The following QTMAN variants were observed in gnomAD, a reference collection of about 807,000 sequenced individuals.
QTMAN encodes the protein queuosine-tRNA mannosyltransferase.
chr2:144,165,171 A>C, the QTMAN span, among the ~76,000 whole-genome samples: 1 of 152,004 alleles, frequency 6.6e-6, no homozygotes, highest in Non-Finnish European at 1.5e-5. Flanking sequence ...GGAGATTGAG[A>C]CCATACTGGC....
chr2:144,228,259 T>C, the QTMAN span, among the ~76,000 whole-genome samples: 1 of 152,200 alleles, frequency 6.6e-6, no homozygotes, highest in Non-Finnish European at 1.5e-5. Flanking sequence ...ACAGAGATAC[T>C]TGAGTTAGAC....
At chr2:144,144,697 C>A in the QTMAN span, among the ~76,000 whole-genome samples, 1 of 151,888 alleles carries the variant, frequency 6.6e-6, no homozygotes, top group South Asian at 2.1e-4. Context: ...AAAACATTCA[C>A]AAAATGCACA....
the QTMAN span, among the ~76,000 whole-genome samples, chr2:143,971,434 C>T: frequency 6.6e-6 from 1 of 152,052 alleles, no homozygotes; most frequent in East Asian, 1.9e-4. Flanking sequence ...ATAATTCTTT[C>T]ATTTAGTAGA....
chr2:144,264,295 G>A, the QTMAN span, among the ~76,000 whole-genome samples: 1 of 152,134 alleles, frequency 6.6e-6, no homozygotes, highest in Non-Finnish European at 1.5e-5. Context: ...TAATTAGAGA[G>A]GTGAGGAGGA....
chr2:144,208,848 T>G, the QTMAN span: 1 of 1,118,794 alleles, frequency 8.9e-7, no homozygotes, highest in Admixed American at 2.5e-5. Flanking sequence ...ATTACATACA[T>G]GTATAAAATT....
the QTMAN span, chr2:144,142,127 C>T: frequency 2.9e-6 from 3 of 1,026,652 alleles, no homozygotes; most frequent in Non-Finnish European, 4.4e-6. Context: ...AACCTAAGAC[C>T]TCTATGGATT....
At chr2:144,105,167 G>A in the QTMAN span, among the ~76,000 whole-genome samples, 1 of 152,158 alleles carries the variant, frequency 6.6e-6, no homozygotes, top group Non-Finnish European at 1.5e-5. Context: ...AAACAGAGCA[G>A]AAAAGCTGAA....
At chr2:144,023,584 T>C in the QTMAN span, among the ~76,000 whole-genome samples, 158 of 152,362 alleles carry the variant, frequency 1.0e-3, no homozygotes, top group African/African-American at 3.7e-3. Context: ...GGTTCAACAT[T>C]ATTTGCAGAA....
the QTMAN span, among the ~76,000 whole-genome samples, chr2:144,310,822 T>C: frequency 6.6e-6 from 1 of 152,208 alleles, no homozygotes; most frequent in Non-Finnish European, 1.5e-5. Flanking sequence ...TTTTAAGTAT[T>C]TGAAGATTTA....
At chr2:144,328,415 A>G in the QTMAN span, among the ~76,000 whole-genome samples, 1 of 152,170 alleles carries the variant, frequency 6.6e-6, no homozygotes, top group Non-Finnish European at 1.5e-5. Context: ...CCTCACACAC[A>G]CTTAGTTAAG....
chr2:144,142,007 T>C, the QTMAN span: 1 of 1,610,106 alleles, frequency 6.2e-7, no homozygotes, highest in Non-Finnish European at 8.5e-7. Context: ...AAGTGAGAAA[T>C]GATTCCATAT....
the QTMAN span, among the ~76,000 whole-genome samples, chr2:144,138,672 G>A: frequency 1.3e-5 from 2 of 151,992 alleles, no homozygotes; most frequent in African/African-American, 4.8e-5. Context: ...TATGCACCCA[G>A]AAGAAGCACA....
the QTMAN span, among the ~76,000 whole-genome samples, chr2:143,978,663 C>T: frequency 4.6e-5 from 7 of 152,172 alleles, no homozygotes; most frequent in Admixed American, 4.6e-4. Flanking sequence ...GCAGCAGTCA[C>T]CATCCCACAT....
At chr2:144,037,921 G>C in the QTMAN span, among the ~76,000 whole-genome samples, 1 of 152,126 alleles carries the variant, frequency 6.6e-6, no homozygotes, top group South Asian at 2.1e-4. Context: ...TAATTCCTTT[G>C]GTTACATTTT....
chr2:144,136,493 A>T, the QTMAN span, among the ~76,000 whole-genome samples: 5 of 151,660 alleles, frequency 3.3e-5, no homozygotes, highest in African/African-American at 1.2e-4. Flanking sequence ...AAGAGAAAGG[A>T]AAAGAGACGG....
the QTMAN span, among the ~76,000 whole-genome samples, chr2:143,967,548 C>T: frequency 1.3e-5 from 2 of 152,118 alleles, no homozygotes; most frequent in South Asian, 2.1e-4. Context: ...CCAGGCTGGT[C>T]TTGAGCTCCT....
At chr2:144,001,063 A>C in the QTMAN span, among the ~76,000 whole-genome samples, 1 of 151,988 alleles carries the variant, frequency 6.6e-6, no homozygotes, top group Non-Finnish European at 1.5e-5. Flanking sequence ...AAGTTATTTC[A>C]GCAATGAGAA....
chr2:144,268,172 T>C, the QTMAN span, among the ~76,000 whole-genome samples: 1 of 152,134 alleles, frequency 6.6e-6, no homozygotes, highest in African/African-American at 2.4e-5. Context: ...CAAGAACTGA[T>C]TGTTACAAAC....
chr2:144,005,959 G>A, the QTMAN span: 1 of 151,944 alleles, frequency 6.6e-6, no homozygotes, highest in Non-Finnish European at 1.5e-5. Context: ...GACAACCAAA[G>A]GTTAATGGAA....
Sources: allele counts gnomAD v4.1 joint callset (sites outside exome capture counted in the v4.1 genomes callset), GRCh38; gene constraint gnomAD v4.1.1; transcripts MANE v1.5; gene names NCBI Gene and HGNC (gene_info 2026-07-23, HGNC 2026-07-21).